Variants in LRRTM4 observed in about 807,000 individuals in gnomAD.
LRRTM4 encodes the protein leucine rich repeat transmembrane neuronal 4.
LRRTM4 carries 25 observed loss-of-function variants against 47.6 expected under a neutral mutation model. The observed-to-expected ratio is 0.53, with a 90% CI of 0.38 to 0.73. The LOEUF is 0.73. LRRTM4 is among the 30% of genes least tolerant of loss of function. The pLI is 0.00. For synonymous variants in LRRTM4, 311 were observed against 269.5 expected, an observed-to-expected ratio of 1.15 and a Z score of -1.51; for missense variants, 638 against 713.4, an observed-to-expected ratio of 0.89 and a Z score of 1.20.
At chr2:76,763,367 C>A (rs765907204) in intron 3 of LRRTM4, among the ~76,000 whole-genome samples, 6 of 152,190 alleles carry the variant, frequency 3.9e-5, no homozygotes, top group Non-Finnish European at 5.9e-5. Flanking sequence ...GGTTCCTGAT[C>A]TGCTAGAATT....
intron 3 of LRRTM4, among the ~76,000 whole-genome samples, chr2:77,254,900 GA>G (rs58575359): frequency 0.19 from 18,567 of 99,972 alleles, 3,913 homozygotes; most frequent in African/African-American, 0.51. Context: ...AGGGCAAACA[GA>G]AAAAAAAAAA....
At chr2:77,051,026 T>A (rs34334076) in intron 3 of LRRTM4, among the ~76,000 whole-genome samples, 26,297 of 116,258 alleles carry the variant, frequency 0.23, 3,445 homozygotes, top group African/African-American at 0.43. Context: ...TTTTTTTTTT[T>A]TTAAAATAGA....
chr2:77,277,227 G>A (rs1235414768), intron 3 of LRRTM4, among the ~76,000 whole-genome samples: 1 of 151,912 alleles, frequency 6.6e-6, no homozygotes, highest in Non-Finnish European at 1.5e-5. Context: ...ATCCCACAGA[G>A]GACATAATTT....
intron 3 of LRRTM4, among the ~76,000 whole-genome samples, chr2:77,015,790 T>G (rs1678044798): frequency 6.6e-6 from 1 of 152,124 alleles, no homozygotes; most frequent in African/African-American, 2.4e-5. Context: ...CTTGCCGCCA[T>G]GCTTACCAAG....
At chr2:76,827,930 A>G (rs934658529) in intron 3 of LRRTM4, among the ~76,000 whole-genome samples, 1 of 151,914 alleles carries the variant, frequency 6.6e-6, no homozygotes, top group African/African-American at 2.4e-5. Flanking sequence ...TGGGAAGACA[A>G]TAGATGAAAT....
chr2:76,795,400 C>T (rs901129310), intron 3 of LRRTM4, among the ~76,000 whole-genome samples: 1 of 152,020 alleles, frequency 6.6e-6, no homozygotes, highest in Non-Finnish European at 1.5e-5. Flanking sequence ...AAAGTCTATA[C>T]TGAACATGTA....
chr2:77,513,234 G>A (rs1014236067), intron 3 of LRRTM4, among the ~76,000 whole-genome samples: 1 of 152,156 alleles, frequency 6.6e-6, no homozygotes, highest in African/African-American at 2.4e-5. Flanking sequence ...GGGCACCCCA[G>A]TTTTTAGTAA....
intron 3 of LRRTM4, among the ~76,000 whole-genome samples, chr2:76,766,806 A>G (rs1316669924): frequency 6.6e-6 from 1 of 152,162 alleles, no homozygotes; most frequent in African/African-American, 2.4e-5. Flanking sequence ...ACTGGCATCT[A>G]GTGGGTACAG....
At chr2:77,364,439 A>C (rs187024024) in intron 3 of LRRTM4, among the ~76,000 whole-genome samples, 1 of 152,230 alleles carries the variant, frequency 6.6e-6, no homozygotes, top group African/African-American at 2.4e-5. Flanking sequence ...AGAGGACTAA[A>C]TGCTCACTTA....
At chr2:76,823,775 A>T (rs1382528270) in intron 3 of LRRTM4, among the ~76,000 whole-genome samples, 190 of 151,542 alleles carry the variant, frequency 1.3e-3, no homozygotes, top group Non-Finnish European at 2.6e-3. Flanking sequence ...ATCAAAAAAT[A>T]AAAGTCAAAG....
chr2:76,775,541 A>T (rs57864550), intron 3 of LRRTM4, among the ~76,000 whole-genome samples: 164 of 152,228 alleles, frequency 1.1e-3, no homozygotes, highest in African/African-American at 3.5e-3. Context: ...GAATCAATTT[A>T]AAAAAAGAGT....
chr2:76,806,846 AAAGAT>A (rs1277858889), intron 3 of LRRTM4, among the ~76,000 whole-genome samples: 10 of 152,276 alleles, frequency 6.6e-5, no homozygotes, highest in African/African-American at 1.9e-4. Context: ...GGTACTTAGA[AAAGAT>A]AAATGTCTTA....
chr2:77,279,561 A>C (rs1040421581), intron 3 of LRRTM4, among the ~76,000 whole-genome samples: 34 of 151,950 alleles, frequency 2.2e-4, no homozygotes, highest in African/African-American at 7.2e-4. Flanking sequence ...TCTAGGTATT[A>C]TAATTCTATT....
chr2:77,184,976 T>G (rs1673460526), intron 3 of LRRTM4, among the ~76,000 whole-genome samples: 1 of 143,396 alleles, frequency 7.0e-6, no homozygotes, highest in Non-Finnish European at 1.5e-5. Flanking sequence ...AAGAAACTCT[T>G]TGTTGAGGTC....
intron 3 of LRRTM4, among the ~76,000 whole-genome samples, chr2:77,431,352 C>T (rs990749389): frequency 1.3e-5 from 2 of 148,758 alleles, no homozygotes; most frequent in South Asian, 4.2e-4. Flanking sequence ...TATAAGGGCA[C>T]TAATCCCATT....
chr2:77,423,656 C>A (rs1674990863), intron 3 of LRRTM4, among the ~76,000 whole-genome samples: 1 of 152,200 alleles, frequency 6.6e-6, no homozygotes, highest in Non-Finnish European at 1.5e-5. Context: ...GCAAAACTTT[C>A]TTTCAAAGCA....
At chr2:77,284,536 A>G (rs527613069) in intron 3 of LRRTM4, among the ~76,000 whole-genome samples, 1 of 146,842 alleles carries the variant, frequency 6.8e-6, no homozygotes, top group South Asian at 2.2e-4. Flanking sequence ...TAAAATGATG[A>G]TTAAATATAT....
intron 3 of LRRTM4, among the ~76,000 whole-genome samples, chr2:76,789,411 C>T (rs559630646): frequency 3.5e-4 from 53 of 152,280 alleles, no homozygotes; most frequent in African/African-American, 1.2e-3. Flanking sequence ...TTTCCCAAAA[C>T]AATCAACTTC....
chr2:76,899,687 G>A (rs1043089288), intron 3 of LRRTM4, among the ~76,000 whole-genome samples: 1 of 152,024 alleles, frequency 6.6e-6, no homozygotes, highest in Admixed American at 6.6e-5. Context: ...GAATTACTAG[G>A]AATATTGATA....
Sources: gnomAD v4.1 joint callset for allele counts (sites outside exome capture counted in the v4.1 genomes callset) on GRCh38, gnomAD v4.1.1 for gene constraint, MANE v1.5 for transcripts, NCBI Gene and HGNC (gene_info 2026-07-23, HGNC 2026-07-21) for gene names.